The following FGGY variants were observed in gnomAD, a reference collection of about 807,000 sequenced individuals.
FGGY encodes the protein FGGY carbohydrate kinase domain containing.
Under a neutral mutation model 71.3 loss-of-function variants are expected in FGGY, and 72 were observed. That is an observed-to-expected ratio of 1.01 (90% CI 0.84 to 1.23). The LOEUF (loss-of-function observed/expected upper bound fraction) is 1.23, where lower values mean the gene tolerates loss of function less well. Ranked by LOEUF, FGGY falls within the 50% of genes most tolerant of loss-of-function variation. The pLI is 0.00. For missense variants in FGGY, 668 were observed against 682.3 expected (o/e 0.98, Z 0.23); for synonymous variants, 251 against 250.3 (o/e 1.00, Z -0.02).
chr1:59,655,784 A>G (rs965254065), intron 11 of FGGY, among the ~76,000 whole-genome samples: 4 of 152,218 alleles, frequency 2.6e-5, no homozygotes, highest in Non-Finnish European at 1.5e-5. Flanking sequence ...ATGATACCTC[A>G]TGTAATCCTC....
intron 6 of FGGY, among the ~76,000 whole-genome samples, chr1:59,507,922 T>A (rs750667216): frequency 8.5e-5 from 13 of 152,102 alleles, no homozygotes; most frequent in Admixed American, 2.6e-4. Flanking sequence ...CCTGAAGCCC[T>A]CCGCTGCCTC....
At chr1:59,690,614 T>TA (rs946495279) in intron 14 of FGGY, among the ~76,000 whole-genome samples, 1 of 152,140 alleles carries the variant, frequency 6.6e-6, no homozygotes, top group African/African-American at 2.4e-5. Flanking sequence ...AGCTTCCATA[T>TA]AAGGGTCCAA....
chr1:59,627,454 T>A (rs1402227244), intron 10 of FGGY, among the ~76,000 whole-genome samples: 37 of 97,324 alleles, frequency 3.8e-4, no homozygotes, highest in African/African-American at 1.4e-3. Flanking sequence ...ACTTATGATT[T>A]TATATATATA....
At chr1:59,445,165 A>G (rs1208067360) in intron 5 of FGGY, among the ~76,000 whole-genome samples, 1 of 152,154 alleles carries the variant, frequency 6.6e-6, no homozygotes, top group Non-Finnish European at 1.5e-5. Flanking sequence ...GAGGGAAATA[A>G]ATGGCTCTTT....
At chr1:59,722,336 T>C (rs1267276585) in intron 14 of FGGY, among the ~76,000 whole-genome samples, 1 of 152,218 alleles carries the variant, frequency 6.6e-6, no homozygotes, top group Non-Finnish European at 1.5e-5. Flanking sequence ...TTCTCCACTA[T>C]AAAATTACTC....
chr1:59,762,204 C>G (rs1456175117), intron 15 of FGGY, among the ~76,000 whole-genome samples: 1 of 152,108 alleles, frequency 6.6e-6, no homozygotes, highest in African/African-American at 2.4e-5. Context: ...ATTCTCCTGC[C>G]TCAGCCTCCT....
chr1:59,378,680 A>G, intron 4 of FGGY, 69 bp from the exon 5 acceptor site: 1 of 1,440,624 alleles, frequency 6.9e-7, no homozygotes, highest in South Asian at 1.2e-5. Flanking sequence ...GAAAAATTTG[A>G]AACATTATTG....
chr1:59,674,095 C>G lies in FGGY; in HGVS notation c.1474C>G (p.Leu492Val). The change falls in exon 14 of 16, where the codon CTG becomes GTG. Residue 492 changes from leucine (L) to valine (V), a missense_variant. Leu to Val is a conservative substitution (Grantham distance 32). This residue lies in a region of FGGY where 661 missense variants were observed against 661.6 expected (regional missense o/e 1.00). Transcript: ENST00000303721. ...GTCCGTTCTTGTGGGTGCTGCTGTT[C>G]TGGGTGCCTGTGCCTCAGGGGATTT... is the stretch of plus-strand genomic sequence containing the variant. ...VESVLVGAAV[L>V]GACASGDFAS... 6.2e-7 allele frequency: 1 copy of G among 1,613,976 alleles called. No homozygotes were observed. Among genetic ancestry groups the G allele is most frequent in the Non-Finnish European group, 8.5e-7 (1 of 1,179,946 alleles).
chr1:59,354,318 A>T (rs2053875143), intron 4 of FGGY, among the ~76,000 whole-genome samples: 1 of 152,150 alleles, frequency 6.6e-6, no homozygotes, highest in Admixed American at 6.5e-5. Flanking sequence ...AGTTCAAGTG[A>T]TCCACCCACC....
intron 8 of FGGY, among the ~76,000 whole-genome samples, chr1:59,584,755 G>A (rs1386210796): frequency 6.7e-6 from 1 of 149,950 alleles, no homozygotes; most frequent in East Asian, 1.9e-4. Context: ...TGACATGAAT[G>A]TATATCTAGA....
chr1:59,504,223 C>T (rs1570329927), intron 6 of FGGY, among the ~76,000 whole-genome samples: 1 of 152,132 alleles, frequency 6.6e-6, no homozygotes, highest in East Asian at 1.9e-4. Context: ...CCTTACCTTG[C>T]CATGTGCATC....
intron 5 of FGGY, among the ~76,000 whole-genome samples, chr1:59,447,461 T>TA: frequency 6.6e-6 from 1 of 152,316 alleles, no homozygotes; most frequent in South Asian, 2.1e-4. Flanking sequence ...TTTGTCAAGA[T>TA]ACTCTACCCT....
intron 5 of FGGY, among the ~76,000 whole-genome samples, chr1:59,451,383 T>G (rs989877257): frequency 2.0e-5 from 3 of 151,636 alleles, no homozygotes; most frequent in African/African-American, 7.3e-5. Context: ...GTTGTTTGTT[T>G]TTTTTTTGTA....
chr1:59,627,489 T>TATACACACACACAC (rs1469493501), intron 10 of FGGY, among the ~76,000 whole-genome samples: 5 of 92,778 alleles, frequency 5.4e-5, no homozygotes, highest in African/African-American at 2.5e-4. Context: ...TATATATATA[T>TATACACACACACAC]ACACACACAC....
chr1:59,367,907 T>G (rs1224409566), intron 4 of FGGY, among the ~76,000 whole-genome samples: 1 of 152,038 alleles, frequency 6.6e-6, no homozygotes, highest in Non-Finnish European at 1.5e-5. Context: ...TAATTTTTTC[T>G]TTTTTTTAAA....
intron 8 of FGGY, among the ~76,000 whole-genome samples, chr1:59,582,206 G>A (rs1460220810): frequency 6.7e-6 from 1 of 149,700 alleles, no homozygotes; most frequent in Non-Finnish European, 1.5e-5. Flanking sequence ...CCATGATCAT[G>A]CCCACTGCAT....
At chr1:59,661,783 G>C (rs114524219) in intron 12 of FGGY, among the ~76,000 whole-genome samples, 1 of 151,304 alleles carries the variant, frequency 6.6e-6, no homozygotes, top group Non-Finnish European at 1.5e-5. Context: ...AGAGTGGAGC[G>C]ATCTTGGCTC....
chr1:59,499,830 G>C (rs1027569957), intron 6 of FGGY, among the ~76,000 whole-genome samples: 2 of 152,114 alleles, frequency 1.3e-5, no homozygotes, highest in Admixed American at 1.3e-4. Context: ...TGCTATTAAA[G>C]TACAAGTGAG....
At chr1:59,570,876 G>C (rs921953891) in intron 8 of FGGY, among the ~76,000 whole-genome samples, 1 of 152,172 alleles carries the variant, frequency 6.6e-6, no homozygotes, top group Non-Finnish European at 1.5e-5. Flanking sequence ...CTTGGAGTGA[G>C]CTTCTTTTGT....
Sources: allele counts gnomAD v4.1 joint callset (sites outside exome capture counted in the v4.1 genomes callset), GRCh38; gene constraint gnomAD v4.1.1; regional missense constraint gnomAD v4.1.1; transcripts MANE v1.5; gene names NCBI Gene and HGNC (gene_info 2026-07-23, HGNC 2026-07-21).